Variants in RASGRF1 observed in about 807,000 individuals in gnomAD.
RASGRF1 encodes the protein ras-specific guanine nucleotide-releasing factor 1.
In RASGRF1, 40 loss-of-function variants were observed where a neutral mutation model predicts 138.7. The observed-to-expected ratio is 0.29, with a 90% CI of 0.22 to 0.38. RASGRF1 has a LOEUF of 0.38. RASGRF1 is among the 10% of genes least tolerant of loss of function. The pLI is 1.00. For missense variants in RASGRF1, 1,108 were observed against 1,650.4 expected, an observed-to-expected ratio of 0.67 and a Z score of 5.69; for synonymous variants, 614 against 663.2, an observed-to-expected ratio of 0.93 and a Z score of 1.14.
chr15:78,983,413 G>A (rs34524350), intron 23 of RASGRF1, among the ~76,000 whole-genome samples: 18,026 of 152,260 alleles, frequency 0.12, 1,105 homozygotes, highest in Admixed American at 0.15. Flanking sequence ...TGCACTCTCT[G>A]TAGAGAACAG....
At chr15:78,977,815 C>T (rs1338435987) in intron 24 of RASGRF1, among the ~76,000 whole-genome samples, 2 of 152,186 alleles carry the variant, frequency 1.3e-5, no homozygotes, top group Admixed American at 6.5e-5. Flanking sequence ...AGTGTGTGCT[C>T]GGTTGAGATT....
In RASGRF1 at chr15:79,017,887, G is replaced by A. The variant is rs1159342267; in HGVS notation, c.1626C>T (p.Asp542=). 2 of 1,613,184 alleles carry A rather than the reference G, an allele frequency of 1.2e-6. No homozygotes were observed. The highest frequency in any genetic ancestry group is 1.3e-5 in the African/African-American group (1 of 74,970). ...CGATTTTAAAATCCAAGTGATCTAT[G>A]TCTTGGCCGGATCCTTTGGCTTCCA... is the stretch of plus-strand genomic sequence containing the variant. ...TEEEAKGSGQ[D]IDHLDFKIGV... Residue 542 remains aspartate, a synonymous_variant, in exon 12 of 27, where the codon GAC becomes GAT. Coordinates refer to ENST00000558480, the MANE Select transcript of RASGRF1 (RefSeq NM_001145648.3).
rs1412433579 is a variant in RASGRF1, at chr15:79,090,323, C to T, written c.176G>A (p.Ser59Asn). Residue 59 changes from serine (S) to asparagine (N), a missense_variant, in exon 1 of 27, where the codon AGC becomes AAC. Coordinates refer to ENST00000558480, the MANE Select transcript of RASGRF1 (RefSeq NM_001145648.3). Reference sequence around the variant, plus strand: ...CAGGTAAAGCCCCGAGGGCCGCGAGCTCGAGTCGCTCTCGAAGTAGAAGAG... The same window carrying T: ...CAGGTAAAGCCCCGAGGGCCGCGAGTTCGAGTCGCTCTCGAAGTAGAAGAG... ...NLLFYFESDS[S>N]SRPSGLYLLE... 1.2e-6 allele frequency: 2 copies of T among 1,613,906 alleles called. No homozygotes were observed. The highest frequency in any genetic ancestry group is 2.2e-5 in the East Asian group (1 of 44,872).
intron 13 of RASGRF1, among the ~76,000 whole-genome samples, chr15:79,010,632 C>T (rs1044358820): frequency 1.3e-5 from 2 of 152,244 alleles, no homozygotes; most frequent in East Asian, 1.9e-4. Context: ...TTCAACACTT[C>T]TTGATGAATG....
At chr15:78,968,584 G>T (rs2055690986) in intron 26 of RASGRF1, among the ~76,000 whole-genome samples, 1 of 150,506 alleles carries the variant, frequency 6.6e-6, no homozygotes, top group South Asian at 2.1e-4. Flanking sequence ...ACTCCCAGCT[G>T]ATATATATAT....
chr15:79,065,145 G>T lies in RASGRF1; in HGVS notation c.277-619C>A, dbSNP rs1013166971. On this transcript the variant is annotated intron_variant, in intron 1 of 26. Coordinates refer to ENST00000558480, the MANE Select transcript of RASGRF1 (RefSeq NM_001145648.3). Reference sequence around the variant, plus strand: ...TTAAATGCATGTAAAGCTCCTAGAAGAATGCTTGGCACCTAGTAAGCACTG... The same window carrying T: ...TTAAATGCATGTAAAGCTCCTAGAATAATGCTTGGCACCTAGTAAGCACTG... Among the ~76,000 whole-genome samples, 4 of 152,318 alleles carry T rather than the reference G, an allele frequency of 2.6e-5. No individual in the cohort carries two copies. The South Asian group carries it at 8.3e-4, about 32-fold the overall frequency.
chr15:79,048,410 T>G (rs948236189), intron 4 of RASGRF1, among the ~76,000 whole-genome samples: 1 of 152,194 alleles, frequency 6.6e-6, no homozygotes, highest in Admixed American at 6.5e-5. Flanking sequence ...AGGGTTTGAA[T>G]GTTACTCTGT....
At position 79,022,990 on chromosome 15, in the gene RASGRF1, C is replaced by T. The variant is rs146041898; in HGVS notation, c.1542+2324G>A. On this transcript the variant is annotated intron_variant, in intron 10 of 26. Coordinates refer to ENST00000558480, the MANE Select transcript of RASGRF1 (RefSeq NM_001145648.3). ...GAGATCGAGACCATCCTGGCTAACA[C>T]GGTGAAACCCCATCTCTACTAAAAA... Among the ~76,000 whole-genome samples the T allele has an allele frequency of 1.0e-3, 158 of 152,162 alleles. 1 individual carries two copies. Among genetic ancestry groups the T allele is most frequent in the Middle Eastern group, 3.4e-3 (1 of 294 alleles).
At chr15:79,002,952 G>C (rs967290773) in intron 15 of RASGRF1, among the ~76,000 whole-genome samples, 17 of 152,244 alleles carry the variant, frequency 1.1e-4, no homozygotes, top group Non-Finnish European at 1.9e-4. Context: ...GTGTGTGCAC[G>C]TGCTCTCATG....
At chr15:79,078,149 G>GTGTGTGTGTGTGTGTGTGCATGTGTC (rs2057864303) in intron 1 of RASGRF1, among the ~76,000 whole-genome samples, 1 of 145,228 alleles carries the variant, frequency 6.9e-6, no homozygotes, top group Non-Finnish European at 1.5e-5. Context: ...GTGTGTGTGT[G>GTGTGTGTGTGTGTGTGTGCATGTGTC]TGTGCATGCA....
intron 3 of RASGRF1, among the ~76,000 whole-genome samples, chr15:79,053,618 A>G (rs960535427): frequency 3.3e-5 from 5 of 152,212 alleles, no homozygotes; most frequent in Admixed American, 6.5e-5. Context: ...GATTGTTTAG[A>G]AGGGAGAGAA....
rs1347869869 is a variant in RASGRF1 at position 79,073,229 on chromosome 15, C to T, written c.277-8703G>A. Among the ~76,000 whole-genome samples the T allele has an allele frequency of 6.6e-6, 1 of 151,848 alleles. No individual in the cohort carries two copies. Among genetic ancestry groups the T allele is most frequent in the Non-Finnish European group, 1.5e-5 (1 of 67,972 alleles). Reference sequence around the variant, plus strand: ...GAGTTGCTGGAATAGATCTAGTATCCCCCGCAGTCCTCCACCAGACTGCCC... The same window carrying T: ...GAGTTGCTGGAATAGATCTAGTATCTCCCGCAGTCCTCCACCAGACTGCCC... On this transcript the variant is annotated intron_variant, in intron 1 of 26. Transcript: ENST00000558480. This position sits in a 1 kb window ranked among gnomAD's most constrained non-coding sequence, Gnocchi z 4.2.
At chr15:79,018,344 T>C (rs957032689) in intron 11 of RASGRF1, among the ~76,000 whole-genome samples, 4 of 152,232 alleles carry the variant, frequency 2.6e-5, no homozygotes, top group African/African-American at 9.6e-5. Context: ...TAAACTTTTA[T>C]GGATTGGGCT....
chr15:78,979,491 G>A (rs568861025), intron 24 of RASGRF1, among the ~76,000 whole-genome samples: 44 of 152,300 alleles, frequency 2.9e-4, no homozygotes, highest in Admixed American at 6.5e-4. Flanking sequence ...GGACCCCAGG[G>A]ATCTCCCAGG....
At chr15:78,979,095 A>C (rs767694790) in intron 24 of RASGRF1, 1 of 1,289,990 alleles carries the variant, frequency 7.8e-7, no homozygotes, top group Non-Finnish European at 1.0e-6. Context: ...CGGACGGACA[A>C]GTTGGTGAAT....
chr15:78,998,914 G>C, intron 17 of RASGRF1, 89 bp from the exon 18 acceptor site: 1 of 1,031,456 alleles, frequency 9.7e-7, no homozygotes, highest in East Asian at 2.4e-5. Flanking sequence ...CTCGGATCTG[G>C]CTGAGCTGGG....
chr15:79,002,390 G>T (rs1034315948), intron 15 of RASGRF1, among the ~76,000 whole-genome samples: 5 of 152,142 alleles, frequency 3.3e-5, no homozygotes, highest in Non-Finnish European at 7.4e-5. Context: ...TGAGGTCTTG[G>T]TCAGAAACTC....
At chr15:79,002,969 C>T (rs1296260855) in intron 15 of RASGRF1, among the ~76,000 whole-genome samples, 2 of 152,222 alleles carry the variant, frequency 1.3e-5, no homozygotes, top group African/African-American at 2.4e-5. Flanking sequence ...CATGTGCTAA[C>T]CGAGACAATG....
At chr15:79,061,601 C>G (rs1442177640) in intron 2 of RASGRF1, among the ~76,000 whole-genome samples, 1 of 151,998 alleles carries the variant, frequency 6.6e-6, no homozygotes, top group East Asian at 1.9e-4. Context: ...CCAGAAGCAA[C>G]TACTATTCTG....
Sources: allele counts gnomAD v4.1 joint callset (sites outside exome capture counted in the v4.1 genomes callset), GRCh38; gene constraint gnomAD v4.1.1; non-coding constraint Gnocchi (gnomAD v3.1); transcripts MANE v1.5; gene names NCBI Gene and HGNC (gene_info 2026-07-23, HGNC 2026-07-21).